NPEPL1: variants seen among roughly 807,000 people sequenced by gnomAD.
NPEPL1 encodes aminopeptidase like 1.
In NPEPL1, 45 loss-of-function variants were observed where a neutral mutation model predicts 52.4. That is an observed-to-expected ratio of 0.86 (90% CI 0.68 to 1.10). The LOEUF is 1.10. Among genes scored for constraint, NPEPL1 ranks in the 50% least tolerant of loss-of-function variants. The pLI, the probability that NPEPL1 is intolerant of heterozygous loss-of-function variation, is 0.00. For missense variants in NPEPL1, 696 were observed against 710.9 expected (o/e 0.98, Z 0.24); for synonymous variants, 360 against 314.7 (o/e 1.14, Z -1.52).
At chr20:58,698,529 G>A (rs989591628) in intron 3 of NPEPL1, among the ~76,000 whole-genome samples, 155 bp from the exon 4 acceptor site, 1 of 152,072 alleles carries the variant, frequency 6.6e-6, no homozygotes, top group Non-Finnish European at 1.5e-5. Flanking sequence ...GGGGCAGGCA[G>A]CGAGAGCCAT....
In NPEPL1 at chr20:58,692,894, C is replaced by A; in HGVS notation, c.-7C>A. On this transcript the variant is annotated 5_prime_UTR_variant, in exon 1 of 12. Transcript: ENST00000356091. This position sits in a 1 kb window ranked among gnomAD's most constrained non-coding sequence, Gnocchi z 5.7. The stretch of plus-strand genomic sequence containing the variant: ...CGGGCAGGGCCGGGGCGTGGGCCGG[C>A]AGGAAGATGGCGAACGTGGGGCTGC... 2.9e-6 allele frequency: 3 copies of A among 1,050,656 alleles called. No individual in the cohort carries two copies. Among genetic ancestry groups the A allele is most frequent in the South Asian group, 3.5e-5 (1 of 28,202 alleles). 65.1% of individuals were successfully genotyped at this position (1,050,656 alleles called of 1,614,324 possible). A position where few individuals can be genotyped will look rare whatever the true frequency, so the allele number is the denominator to read the frequency against.
At position 58,713,831 on chromosome 20, in the gene NPEPL1, C is replaced by A; in HGVS notation, c.1126-86C>A. The A allele has an allele frequency of 7.4e-7, 1 of 1,346,152 alleles. No individual in the cohort carries two copies. Among genetic ancestry groups the A allele is most frequent in the Non-Finnish European group, 9.7e-7 (1 of 1,030,838 alleles). 83.4% of individuals were successfully genotyped at this position (1,346,152 alleles called of 1,614,324 possible). A position where few individuals can be genotyped will look rare whatever the true frequency, so the allele number is the denominator to read the frequency against. On this transcript the variant is annotated intron_variant, in intron 9 of 11. Coordinates refer to ENST00000356091, the MANE Select transcript of NPEPL1 (RefSeq NM_024663.4). This position sits in a 1 kb window ranked among gnomAD's most constrained non-coding sequence, Gnocchi z 4.6. ...TCTCTTTTCTGGCTCCCTTATTTCTCTGTCTGCCTCCCGGTCCCTCTTTTG... is the reference window on the plus strand; with the variant it reads ...TCTCTTTTCTGGCTCCCTTATTTCTATGTCTGCCTCCCGGTCCCTCTTTTG...
Position 58,699,353 on chromosome 20 carries a change from C to T in NPEPL1, c.679+75C>T, listed in dbSNP as rs867440433. On this transcript the variant is annotated intron_variant, in intron 5 of 11. Transcript: ENST00000356091. ...GGGCACTTGGGTGGCAGGGGGTCGG[C>T]GGGCCACATGGCACATTGTCCCAAA... The T allele has an allele frequency of 1.4e-4, 158 of 1,115,878 alleles. No homozygotes were observed. The African/African-American group carries it at 2.1e-3, about 15-fold the overall frequency. 69.1% of individuals were successfully genotyped at this position (1,115,878 alleles called of 1,614,324 possible). A position where few individuals can be genotyped will look rare whatever the true frequency, so the allele number is the denominator to read the frequency against.
intron 5 of NPEPL1, among the ~76,000 whole-genome samples, chr20:58,700,705 A>G (rs1344963361): frequency 6.6e-6 from 1 of 152,244 alleles, no homozygotes; most frequent in Non-Finnish European, 1.5e-5. Flanking sequence ...GGTGTTATCC[A>G]AACATCGTTT....
upstream of NPEPL1, chr20:58,692,666 G>C (rs1302490656): frequency 1.0e-5 from 3 of 301,280 alleles, no homozygotes; most frequent in African/African-American, 2.3e-5. The surrounding 1 kb of genome is among the most constrained non-coding windows in gnomAD (Gnocchi z 5.7). Context: ...GGCCGGCTTC[G>C]GGCCTGCCCG....
intron 6 of NPEPL1, among the ~76,000 whole-genome samples, chr20:58,701,864 C>T (rs917448851): frequency 7.2e-5 from 11 of 152,176 alleles, no homozygotes; most frequent in African/African-American, 9.6e-5. Context: ...TCCCGTGGTA[C>T]GGCTTTCTGT....
At chr20:58,704,355 G>A in intron 6 of NPEPL1, 1 of 985,370 alleles carries the variant, frequency 1.0e-6, no homozygotes, top group Non-Finnish European at 1.2e-6. Flanking sequence ...GGACTAGCAG[G>A]CCTCAAATGC....
intron 7 of NPEPL1, 43 bp from the exon 8 acceptor site, chr20:58,712,436 C>A: frequency 7.2e-7 from 1 of 1,394,886 alleles, no homozygotes; most frequent in Non-Finnish European, 1.0e-6. Flanking sequence ...CCTCCCCAAA[C>A]CTATGACCTA....
chr20:58,700,222 C>T (rs1568851476), intron 5 of NPEPL1, among the ~76,000 whole-genome samples: 1 of 152,236 alleles, frequency 6.6e-6, no homozygotes, highest in East Asian at 1.9e-4. Flanking sequence ...GATATCTCAT[C>T]ACTTCTACCT....
chr20:58,713,076 C>T lies in NPEPL1; in HGVS notation c.1002-344C>T, dbSNP rs2084886347. 3 of 360,248 alleles carry T rather than the reference C, an allele frequency of 8.3e-6. No homozygotes were observed. The highest frequency in any genetic ancestry group is 2.8e-5 in the South Asian group (1 of 35,764). 22.3% of individuals were successfully genotyped at this position (360,248 alleles called of 1,614,324 possible). ...CGCCTCCCCGCATCTCCTGCTCTTC[C>T]TCCCCATCTGCCGGGTGCCAGGCAC... On this transcript the variant is annotated intron_variant, in intron 8 of 11. Coordinates refer to ENST00000356091, the MANE Select transcript of NPEPL1 (RefSeq NM_024663.4). This position sits in a 1 kb window ranked among gnomAD's most constrained non-coding sequence, Gnocchi z 4.6.
Position 58,693,893 on chromosome 20 carries a change from C to G in NPEPL1, c.307C>G (p.Leu103Val). The change falls in exon 2 of 12, where the codon CTG becomes GTG. Residue 103 changes from leucine to valine, a missense_variant. Transcript: ENST00000356091. ...CATCACGCGGCTGGTGCGGACCTGC[C>G]TGCCGCCCGGAGCGCATCGCTGCAT... ...HFITRLVRTC[L>V]PPGAHRCIVM... 1 of 1,611,496 alleles carries G rather than the reference C, an allele frequency of 6.2e-7. No individual in the cohort carries two copies. The highest frequency in any genetic ancestry group is 8.5e-7 in the Non-Finnish European group (1 of 1,178,696).
chr20:58,714,669 C>T lies in NPEPL1; in HGVS notation c.1412C>T (p.Ala471Val). ...VHLDIAAPVH[A>V]GERATGFGVA... ...CTGGACATTGCTGCACCGGTGCATG[C>T]TGTGAGTGTCTCCCCTCCCCACTGG... The change falls in exon 11 of 12, where the codon GCT becomes GTT. Residue 471 changes from alanine (A) to valine (V), a missense_variant and splice_region_variant. Transcript: ENST00000356091. 6.3e-7 allele frequency: 1 copy of T among 1,582,124 alleles called. No individual in the cohort carries two copies. Among genetic ancestry groups the T allele is most frequent in the Non-Finnish European group, 8.6e-7 (1 of 1,165,652 alleles).
intron 4 of NPEPL1, 102 bp from the exon 5 acceptor site, chr20:58,699,095 G>A (rs2296528): frequency 1.1e-5 from 12 of 1,139,946 alleles, no homozygotes; most frequent in South Asian, 2.7e-5. Flanking sequence ...TCCCCGACGC[G>A]GCACAGGCAG....
intron 6 of NPEPL1, chr20:58,704,022 C>A (rs952079803): frequency 2.0e-6 from 2 of 985,362 alleles, no homozygotes; most frequent in Non-Finnish European, 2.4e-6. Flanking sequence ...CAGTTGGAAC[C>A]GTTCTACGTG....
chr20:58,694,933 C>T (rs372880901), intron 3 of NPEPL1, among the ~76,000 whole-genome samples: 4 of 128,798 alleles, frequency 3.1e-5, no homozygotes, highest in South Asian at 5.1e-4. Context: ...TGTGTATGTG[C>T]GTGCACATGT....
At position 58,698,743 on chromosome 20, in the gene NPEPL1, C is replaced by T; in HGVS notation, c.567C>T (p.Cys189=). Residue 189 remains cysteine (C), a synonymous_variant, in exon 4 of 12, where the codon TGC becomes TGT. Coordinates refer to ENST00000356091, the MANE Select transcript of NPEPL1 (RefSeq NM_024663.4). ...RLAARIVDTP[C]NEMNTDTFLE... is the part of the protein sequence containing the mutation. ...CAGCCCGCATCGTGGACACACCCTG[C>T]AATGAGATGAACACCGACACCTTCC... The T allele has an allele frequency of 6.2e-7, 1 of 1,612,908 alleles. No individual in the cohort carries two copies.
chr20:58,701,282 GTGGGCCCGGCTCT>G (rs2084613986), intron 6 of NPEPL1, 124 bp downstream of exon 6: 1 of 241,246 alleles, frequency 4.1e-6, no homozygotes, highest in African/African-American at 3.3e-5. Context: ...AAGGTGAGGT[GTGGGCCCGGCTCT>G]CCAGGGTGCC....
In NPEPL1 at chr20:58,693,019, G is replaced by C; in HGVS notation, c.119G>C (p.Arg40Pro). 1 of 1,089,986 alleles carries C rather than the reference G, an allele frequency of 9.2e-7. No individual in the cohort carries two copies. The highest frequency in any genetic ancestry group is 3.1e-5 in the South Asian group (1 of 31,954). The allele number at this position is 1,089,986 out of a possible 1,614,324, so 67.5% of individuals were successfully genotyped here. ...CACCGCGTGCCCTGGAGCCACGTCC[G>C]CGGGAAGCTGCAGCCCCGGGTCACC... ...HLHRVPWSHV[R>P]GKLQPRVTEE... Residue 40 changes from arginine (R) to proline (P), a missense_variant, in exon 1 of 12, where the codon CGC becomes CCC. Arg to Pro is a moderately radical substitution (Grantham distance 103, BLOSUM62 -2). Coordinates refer to ENST00000356091, the MANE Select transcript of NPEPL1 (RefSeq NM_024663.4).
In NPEPL1 at chr20:58,713,424, G is replaced by A; in HGVS notation, c.1006G>A (p.Val336Met). ...GGGATCTCTACCATGCCCCAGGACGGTGGAAATCAACAACACGGATGCCGA... is the reference window on the plus strand; with the variant it reads ...GGGATCTCTACCATGCCCCAGGACGATGGAAATCAACAACACGGATGCCGA... ...DIHLLYSGKT[V>M]EINNTDAEGR... Residue 336 changes from valine to methionine, a missense_variant, in exon 9 of 12, where the codon GTG becomes ATG. Transcript: ENST00000356091. This position sits in a 1 kb window ranked among gnomAD's most constrained non-coding sequence, Gnocchi z 4.6. 6.2e-7 allele frequency: 1 copy of A among 1,605,908 alleles called. No homozygotes were observed. Among genetic ancestry groups the A allele is most frequent in the Non-Finnish European group, 8.5e-7 (1 of 1,176,174 alleles).
Sources: gnomAD v4.1 joint callset for allele counts (sites outside exome capture counted in the v4.1 genomes callset) on GRCh38, gnomAD v4.1.1 for gene constraint, Gnocchi (gnomAD v3.1) non-coding constraint, MANE v1.5 for transcripts, NCBI Gene and HGNC (gene_info 2026-07-23, HGNC 2026-07-21) for gene names.